Variants in LRP1B observed in about 807,000 individuals in gnomAD.
The protein encoded by LRP1B is low-density lipoprotein receptor-related protein 1B.
LRP1B carries 217 observed loss-of-function variants against 556.6 expected under a neutral mutation model. The ratio of observed to expected loss-of-function variants is 0.39; its 90% CI spans 0.35 to 0.44. LRP1B has a LOEUF of 0.44. Ranked by LOEUF, LRP1B falls within the 20% of genes least tolerant of loss-of-function variation. The pLI is 1.00. For synonymous variants in LRP1B, 2,047 were observed against 1,865.8 expected (o/e 1.10, Z -2.50); for missense variants, 5,053 against 5,620.8 (o/e 0.90, Z 3.23).
intron 46 of LRP1B, among the ~76,000 whole-genome samples, chr2:140,534,724 C>A (rs1690870875): frequency 6.6e-6 from 1 of 152,104 alleles, no homozygotes; most frequent in Admixed American, 6.6e-5. Context: ...TGATTTGGGG[C>A]AGAAGCTACC....
intron 86 of LRP1B, among the ~76,000 whole-genome samples, chr2:140,260,478 TATATAG>T (rs1346881364): frequency 6.6e-6 from 1 of 151,848 alleles, no homozygotes; most frequent in African/African-American, 2.4e-5. Context: ...ATGTGTATTA[TATATAG>T]ATATATACAC....
At chr2:140,623,516 C>A (rs74505975) in intron 41 of LRP1B, among the ~76,000 whole-genome samples, 2,858 of 151,868 alleles carry the variant, frequency 0.019, 84 homozygotes, top group African/African-American at 0.065. Flanking sequence ...AAATAAAATA[C>A]AAACATCAAC....
chr2:140,904,943 G>C (rs76048273), intron 22 of LRP1B, among the ~76,000 whole-genome samples: 14,710 of 152,118 alleles, frequency 0.097, 1,019 homozygotes, highest in East Asian at 0.31. Context: ...GTGGAATGAA[G>C]TCACAGATTT....
intron 35 of LRP1B, among the ~76,000 whole-genome samples, chr2:140,768,137 C>T (rs1689180644): frequency 6.6e-6 from 1 of 151,878 alleles, no homozygotes; most frequent in African/African-American, 2.4e-5. Flanking sequence ...ACATTTGCCT[C>T]TATCCAATTC....
chr2:141,195,927 A>G (rs1243223246), intron 6 of LRP1B, among the ~76,000 whole-genome samples: 1 of 152,058 alleles, frequency 6.6e-6, no homozygotes, highest in Non-Finnish European at 1.5e-5. Context: ...GAGCTCTGAC[A>G]AGAAGATGCT....
At chr2:141,141,170 G>A (rs1015396333) in intron 7 of LRP1B, among the ~76,000 whole-genome samples, 4 of 152,138 alleles carry the variant, frequency 2.6e-5, no homozygotes, top group African/African-American at 9.7e-5. Flanking sequence ...AGATTTATAA[G>A]AACCTCAGTT....
chr2:141,024,546 T>C (rs1698163786), intron 11 of LRP1B, among the ~76,000 whole-genome samples: 2 of 151,984 alleles, frequency 1.3e-5, no homozygotes, highest in Non-Finnish European at 2.9e-5. Flanking sequence ...AATGAAGACA[T>C]GGACAAGTAA....
At chr2:141,406,595 A>G (rs886315277) in intron 3 of LRP1B, among the ~76,000 whole-genome samples, 3 of 142,714 alleles carry the variant, frequency 2.1e-5, no homozygotes, top group African/African-American at 7.8e-5. Context: ...TCTATCTATC[A>G]TCTATCTTAC....
chr2:140,991,409 T>C (rs945765454), intron 16 of LRP1B, among the ~76,000 whole-genome samples: 3 of 152,148 alleles, frequency 2.0e-5, no homozygotes, highest in Non-Finnish European at 4.4e-5. Flanking sequence ...TATTAGAATA[T>C]TAACCATGAG....
chr2:142,050,629 A>G (rs1013010262), intron 1 of LRP1B, among the ~76,000 whole-genome samples: 85 of 152,240 alleles, frequency 5.6e-4, no homozygotes, highest in African/African-American at 1.6e-3. Flanking sequence ...ATTTAAAATG[A>G]TTCATTTAGC....
chr2:140,706,282 AC>A (rs2105439890), intron 37 of LRP1B, among the ~76,000 whole-genome samples: 1 of 152,282 alleles, frequency 6.6e-6, no homozygotes, highest in South Asian at 2.1e-4. Context: ...AAACGTGTTC[AC>A]TATATGATAT....
intron 7 of LRP1B, among the ~76,000 whole-genome samples, chr2:141,074,947 CCTGTAT>C (rs1463819197): frequency 6.6e-6 from 1 of 152,010 alleles, no homozygotes; most frequent in Admixed American, 6.6e-5. Flanking sequence ...TTTGAGTATT[CCTGTAT>C]CTAGCCAATT....
rs913603310 is a variant in LRP1B at position 140,841,190 on chromosome 2, A to G, written c.4940-98T>C. ...TTCTATCTAAGGGAAAATTTAATTT[A>G]TACTTTAATTTGTTAGCTAAAATCG... On this transcript the variant is annotated intron_variant, in intron 29 of 90. Coordinates refer to ENST00000389484, the MANE Select transcript of LRP1B (RefSeq NM_018557.3). 13 of 750,140 alleles carry G rather than the reference A, an allele frequency of 1.7e-5. No homozygotes were observed. The African/African-American group carries it at 2.2e-4, about 13-fold the overall frequency. The allele number at this position is 750,140 out of a possible 1,614,324, so 46.5% of individuals were successfully genotyped here. A position where few individuals can be genotyped will look rare whatever the true frequency, so the allele number is the denominator to read the frequency against.
chr2:141,976,353 T>C (rs1701886862), intron 1 of LRP1B, among the ~76,000 whole-genome samples: 1 of 152,204 alleles, frequency 6.6e-6, no homozygotes, highest in South Asian at 2.1e-4. Flanking sequence ...ATTTCTTTAT[T>C]GCAGTTTTGC....
In LRP1B at chr2:140,274,590, G is replaced by A. The variant is rs2104952751; in HGVS notation, c.12976C>T (p.His4326Tyr). 6.2e-7 allele frequency: 1 copy of A among 1,608,536 alleles called. No individual in the cohort carries two copies. Reference sequence around the variant, plus strand: ...GATTCAGAATTCACACAATAGTGGTGGCACACGTCTAGGAAAAAAAGGCAC... The same window carrying A: ...GATTCAGAATTCACACAATAGTGGTAGCACACGTCTAGGAAAAAAAGGCAC... ...TGDRCQYYVC[H>Y]HYCVNSESCT... The change falls in exon 85 of 91, where the codon CAC (histidine) becomes TAC (tyrosine). Residue 4326 changes from histidine to tyrosine, a missense_variant. His to Tyr is a moderately conservative substitution (Grantham distance 83). Transcript: ENST00000389484.
rs186927538 is a variant in LRP1B, at chr2:140,414,576, C to T, written c.10414+27928G>A. On this transcript the variant is annotated intron_variant, in intron 66 of 90. Coordinates refer to ENST00000389484, the MANE Select transcript of LRP1B (RefSeq NM_018557.3). ...CCCGAATAGAGGGACCAGCTGGAGC[C>T]GCGGCAGAGGAACATAAATTGCAAA... is the stretch of plus-strand genomic sequence containing the variant. Among the ~76,000 whole-genome samples, 15 of 152,108 alleles carry T rather than the reference C, an allele frequency of 9.9e-5. No homozygotes were observed. The East Asian group carries it at 2.1e-3, about 22-fold the overall frequency.
chr2:141,423,661 A>G (rs1264387596), intron 3 of LRP1B, among the ~76,000 whole-genome samples: 2 of 152,140 alleles, frequency 1.3e-5, no homozygotes, highest in Non-Finnish European at 2.9e-5. Flanking sequence ...CTGCCTTTGC[A>G]TGCACCCCCA....
chr2:141,624,043 A>AAAAAAAAAG (rs1337564557), intron 2 of LRP1B, among the ~76,000 whole-genome samples: 4 of 149,140 alleles, frequency 2.7e-5, no homozygotes, highest in African/African-American at 9.8e-5. Flanking sequence ...AAACAAAAAA[A>AAAAAAAAAG]AAAAGAAAAG....
At chr2:141,591,026 C>T (rs932389597) in intron 2 of LRP1B, among the ~76,000 whole-genome samples, 30 of 152,258 alleles carry the variant, frequency 2.0e-4, no homozygotes, top group African/African-American at 6.0e-4. Flanking sequence ...AAATAGCCTA[C>T]GGTTTGACTC....
Sources: allele counts gnomAD v4.1 joint callset (sites outside exome capture counted in the v4.1 genomes callset), GRCh38; gene constraint gnomAD v4.1.1; transcripts MANE v1.5; gene names NCBI Gene and HGNC (gene_info 2026-07-23, HGNC 2026-07-21).